Variants in NCAM2 observed in about 807,000 individuals in gnomAD.
NCAM2 encodes N-CAM-2.
In NCAM2, 30 loss-of-function variants were observed where a neutral mutation model predicts 98.1. The observed-to-expected ratio is 0.31, with a 90% confidence interval of 0.23 to 0.41. The LOEUF is 0.41. Ranked by LOEUF, NCAM2 falls within the 10% of genes least tolerant of loss-of-function variation. The pLI, the probability that NCAM2 is intolerant of heterozygous loss-of-function variation, is 1.00. For missense variants in NCAM2, 867 were observed against 1,005.8 expected, an observed-to-expected ratio of 0.86 and a Z score of 1.87; for synonymous variants, 368 against 342.4, an observed-to-expected ratio of 1.07 and a Z score of -0.83.
chr21:21,148,180 G>A (rs1366086555), intron 1 of NCAM2, among the ~76,000 whole-genome samples: 3 of 152,122 alleles, frequency 2.0e-5, no homozygotes, highest in Admixed American at 2.0e-4. Context: ...AGAAACAACT[G>A]TATAAACATA....
intron 1 of NCAM2, among the ~76,000 whole-genome samples, chr21:21,045,932 T>C (rs887135576): frequency 1.3e-5 from 2 of 152,206 alleles, no homozygotes; most frequent in Non-Finnish European, 2.9e-5. Context: ...ATATGTATCT[T>C]TACAACTTCT....
At chr21:21,309,784 C>CTGCAA (rs2073988558) in intron 5 of NCAM2, among the ~76,000 whole-genome samples, 1 of 152,146 alleles carries the variant, frequency 6.6e-6, no homozygotes, top group Non-Finnish European at 1.5e-5. Flanking sequence ...CATTCCTGTG[C>CTGCAA]TGCAATCTAG....
intron 8 of NCAM2, among the ~76,000 whole-genome samples, chr21:21,371,579 G>A (rs2075915718): frequency 6.6e-6 from 1 of 151,452 alleles, no homozygotes; most frequent in Non-Finnish European, 1.5e-5. Flanking sequence ...TGTCCTCTTA[G>A]GGCATCTGCC....
At chr21:21,384,921 GA>G (rs2076233066) in intron 9 of NCAM2, among the ~76,000 whole-genome samples, 1 of 151,912 alleles carries the variant, frequency 6.6e-6, no homozygotes, top group African/African-American at 2.4e-5. Flanking sequence ...TAACCATTTG[GA>G]ATATGTAACC....
At chr21:21,136,541 A>C (rs2067055112) in intron 1 of NCAM2, among the ~76,000 whole-genome samples, 1 of 151,360 alleles carries the variant, frequency 6.6e-6, no homozygotes, top group Non-Finnish European at 1.5e-5. Context: ...CACTCACTGC[A>C]ACCTCCACCT....
At chr21:21,091,847 A>T (rs186339436) in intron 1 of NCAM2, among the ~76,000 whole-genome samples, 2 of 152,280 alleles carry the variant, frequency 1.3e-5, no homozygotes, top group African/African-American at 2.4e-5. Context: ...TTTTTAAAAA[A>T]TACTCTTCCT....
chr21:21,393,941 A>G (rs2076440148), intron 9 of NCAM2, among the ~76,000 whole-genome samples: 1 of 152,218 alleles, frequency 6.6e-6, no homozygotes, highest in South Asian at 2.1e-4. Flanking sequence ...AATATGAATA[A>G]TTCACCTTAC....
chr21:21,323,181 A>C (rs2074421681), intron 5 of NCAM2, among the ~76,000 whole-genome samples: 1 of 152,194 alleles, frequency 6.6e-6, no homozygotes, highest in African/African-American at 2.4e-5. Context: ...AGGAAGAAAA[A>C]CAGGGTACAG....
intron 1 of NCAM2, among the ~76,000 whole-genome samples, chr21:21,015,840 A>T (rs1156420597): frequency 6.6e-6 from 1 of 151,774 alleles, no homozygotes; most frequent in Non-Finnish European, 1.5e-5. Flanking sequence ...AGTAGCTGGG[A>T]TTACAGGCGC....
At chr21:21,024,124 T>C (rs76199539) in intron 1 of NCAM2, among the ~76,000 whole-genome samples, 1,620 of 152,284 alleles carry the variant, frequency 0.011, 28 homozygotes, top group African/African-American at 0.036. Context: ...AGTGATGAAA[T>C]GTGATGTCAG....
At chr21:21,471,813 G>A (rs1685647985) in intron 14 of NCAM2, among the ~76,000 whole-genome samples, 1 of 151,948 alleles carries the variant, frequency 6.6e-6, no homozygotes, top group Non-Finnish European at 1.5e-5. Context: ...TATTCTGTCA[G>A]CCTGTAATAC....
At chr21:21,052,158 T>C (rs2065123537) in intron 1 of NCAM2, among the ~76,000 whole-genome samples, 1 of 138,954 alleles carries the variant, frequency 7.2e-6, no homozygotes, top group South Asian at 2.4e-4. Context: ...CCATTTTTTT[T>C]TTTTTTTTTT....
chr21:21,310,800 A>G (rs1055881897), intron 5 of NCAM2, among the ~76,000 whole-genome samples: 4 of 152,068 alleles, frequency 2.6e-5, no homozygotes, highest in Admixed American at 6.6e-5. Flanking sequence ...TTCACCCCAA[A>G]TCACTCTCTA....
At chr21:21,398,535 A>G (rs1179459874) in intron 9 of NCAM2, among the ~76,000 whole-genome samples, 1 of 152,242 alleles carries the variant, frequency 6.6e-6, no homozygotes, top group Non-Finnish European at 1.5e-5. Flanking sequence ...AGTTAATTTA[A>G]ATGTATGCAA....
chr21:21,376,446 A>G (rs2076034147), intron 9 of NCAM2, among the ~76,000 whole-genome samples: 1 of 151,822 alleles, frequency 6.6e-6, no homozygotes, highest in Admixed American at 6.6e-5. Flanking sequence ...CATCAACAGG[A>G]GTTTAAATTA....
chr21:21,300,995 C>T (rs2073692384), intron 5 of NCAM2, among the ~76,000 whole-genome samples: 2 of 151,892 alleles, frequency 1.3e-5, no homozygotes, highest in Admixed American at 6.6e-5. Flanking sequence ...GTTTGTGTGT[C>T]GGAAAAATAA....
intron 1 of NCAM2, among the ~76,000 whole-genome samples, chr21:21,188,615 T>C (rs1487944860): frequency 6.6e-6 from 1 of 152,140 alleles, no homozygotes; most frequent in East Asian, 1.9e-4. Context: ...AAAGAAGTGC[T>C]TGATAAATAA....
intron 1 of NCAM2, among the ~76,000 whole-genome samples, chr21:21,004,233 T>A (rs1019278571): frequency 1.3e-5 from 2 of 152,174 alleles, no homozygotes; most frequent in Admixed American, 6.5e-5. Flanking sequence ...GATAATCAAA[T>A]AACAAGCACT....
intron 15 of NCAM2, among the ~76,000 whole-genome samples, chr21:21,484,831 A>G (rs899845135): frequency 6.6e-6 from 1 of 152,156 alleles, no homozygotes; most frequent in African/African-American, 2.4e-5. Context: ...ACTTTATTCT[A>G]AATTTTCCAT....
Sources: allele counts gnomAD v4.1 joint callset (sites outside exome capture counted in the v4.1 genomes callset), GRCh38; gene constraint gnomAD v4.1.1; transcripts MANE v1.5; gene names NCBI Gene and HGNC (gene_info 2026-07-23, HGNC 2026-07-21).